Variants in GPM6A observed in about 807,000 individuals in gnomAD.
The protein encoded by GPM6A is neuronal membrane glycoprotein M6-a.
A neutral mutation model predicts 32.1 loss-of-function variants in GPM6A; 7 were observed. The observed-to-expected ratio is 0.22, with a 90% confidence interval of 0.12 to 0.41. The LOEUF is 0.41. Ranked by LOEUF, GPM6A falls within the 10% of genes least tolerant of loss-of-function variation. The pLI is 1.00. For synonymous variants in GPM6A, 130 were observed against 123.4 expected (o/e 1.05, Z -0.35); for missense variants, 235 against 347.2 (o/e 0.68, Z 2.57).
intron 1 of GPM6A, among the ~76,000 whole-genome samples, chr4:175,749,538 GA>G (rs1732238730): frequency 6.6e-6 from 1 of 152,150 alleles, no homozygotes; most frequent in South Asian, 2.1e-4. Flanking sequence ...AAAGCATACA[GA>G]AGATAGCTTT....
intron 1 of GPM6A, among the ~76,000 whole-genome samples, chr4:175,760,406 G>A (rs1459412173): frequency 2.4e-4 from 36 of 151,968 alleles, no homozygotes. Flanking sequence ...GTATAAGAAG[G>A]CATCTGAGAA....
At chr4:175,807,012 C>G (rs1226096120) in intron 1 of GPM6A, 1 of 152,140 alleles carries the variant, frequency 6.6e-6, no homozygotes, top group Admixed American at 6.5e-5. Flanking sequence ...ATTATTAATT[C>G]TTACACTTAA....
At chr4:175,753,881 A>C (rs2111194266) in intron 1 of GPM6A, among the ~76,000 whole-genome samples, 1 of 152,248 alleles carries the variant, frequency 6.6e-6, no homozygotes, top group Admixed American at 6.5e-5. Flanking sequence ...ATCAGCCTTT[A>C]GGTGCTCCAT....
chr4:175,755,281 AT>A (rs151106832), intron 1 of GPM6A, among the ~76,000 whole-genome samples: 14,259 of 152,010 alleles, frequency 0.094, 711 homozygotes, highest in East Asian at 0.13. Context: ...ATGAAAAAAA[AT>A]AAACAAATAT....
At chr4:175,990,981 T>C (rs1007479980) in intron 1 of GPM6A, among the ~76,000 whole-genome samples, 2 of 152,116 alleles carry the variant, frequency 1.3e-5, no homozygotes, top group Non-Finnish European at 2.9e-5. Context: ...CTCTGCCTTT[T>C]TCCTCTTTAG....
chr4:175,735,915 A>G (rs1182910972), intron 1 of GPM6A, among the ~76,000 whole-genome samples: 3 of 152,220 alleles, frequency 2.0e-5, no homozygotes, highest in East Asian at 3.8e-4. Flanking sequence ...ATATGTCTAG[A>G]GTTATTTAGA....
At chr4:175,951,230 C>G (rs1262591676) in intron 1 of GPM6A, among the ~76,000 whole-genome samples, 2 of 152,160 alleles carry the variant, frequency 1.3e-5, no homozygotes, top group Admixed American at 6.5e-5. Context: ...GACCCTGTAA[C>G]AAGCCATTTT....
intron 4 of GPM6A, among the ~76,000 whole-genome samples, chr4:175,642,891 T>A (rs1741228759): frequency 6.6e-6 from 1 of 152,146 alleles, no homozygotes; most frequent in Non-Finnish European, 1.5e-5. Context: ...ATAAGCATTT[T>A]AAAAAAACTT....
chr4:175,868,402 A>T (rs1736805644), intron 1 of GPM6A, among the ~76,000 whole-genome samples: 1 of 152,174 alleles, frequency 6.6e-6, no homozygotes, highest in African/African-American at 2.4e-5. Flanking sequence ...CTATGTCATT[A>T]ACTTGTTTTG....
chr4:175,949,456 C>T (rs976108279), intron 1 of GPM6A, among the ~76,000 whole-genome samples: 4 of 152,112 alleles, frequency 2.6e-5, no homozygotes, highest in Admixed American at 6.6e-5. Context: ...TTAACCACAA[C>T]ACCTGACCAA....
chr4:175,903,868 G>A (rs910418150), intron 1 of GPM6A, among the ~76,000 whole-genome samples: 1 of 152,114 alleles, frequency 6.6e-6, no homozygotes, highest in Non-Finnish European at 1.5e-5. Flanking sequence ...GCCAGCCAAA[G>A]CGAATATGGA....
intron 1 of GPM6A, among the ~76,000 whole-genome samples, chr4:175,846,330 A>G (rs1736086349): frequency 6.6e-6 from 1 of 152,176 alleles, no homozygotes; most frequent in Admixed American, 6.6e-5. Flanking sequence ...GAGGCTCAAC[A>G]TGAAATCCTA....
chr4:175,739,418 A>G (rs571744547), intron 1 of GPM6A, among the ~76,000 whole-genome samples: 45 of 152,276 alleles, frequency 3.0e-4, no homozygotes, highest in Non-Finnish European at 6.3e-4. Context: ...AGAAGTCTCT[A>G]TTGCTAGAAA....
chr4:175,744,065 G>A (rs1460659149), intron 1 of GPM6A, among the ~76,000 whole-genome samples: 1 of 151,842 alleles, frequency 6.6e-6, no homozygotes, highest in Non-Finnish European at 1.5e-5. Context: ...ACAAGTTGCA[G>A]AATATACATT....
At chr4:175,858,716 A>G (rs1408678977) in intron 1 of GPM6A, among the ~76,000 whole-genome samples, 1 of 152,184 alleles carries the variant, frequency 6.6e-6, no homozygotes, top group African/African-American at 2.4e-5. Context: ...TCCACTCCAC[A>G]TCTAGGTGTA....
At chr4:175,943,254 T>C (rs1027355960) in intron 1 of GPM6A, among the ~76,000 whole-genome samples, 1 of 152,220 alleles carries the variant, frequency 6.6e-6, no homozygotes, top group Non-Finnish European at 1.5e-5. Context: ...TTTGCTGAAG[T>C]TGCTTATCAG....
At chr4:175,723,695 G>C (rs1404965914) in intron 1 of GPM6A, among the ~76,000 whole-genome samples, 1 of 152,008 alleles carries the variant, frequency 6.6e-6, no homozygotes, top group Non-Finnish European at 1.5e-5. Flanking sequence ...TGAAAATTAA[G>C]AGTAATAAGG....
At chr4:175,760,452 G>A (rs1003714985) in intron 1 of GPM6A, among the ~76,000 whole-genome samples, 2 of 152,070 alleles carry the variant, frequency 1.3e-5, no homozygotes, top group Non-Finnish European at 2.9e-5. Context: ...AACCTTGGGG[G>A]ACTATTTTTA....
rs548551304 is a variant in GPM6A at position 175,752,290 on chromosome 4, G to T, written c.38-50523C>A. 3.5e-4 allele frequency among the ~76,000 whole-genome samples: 54 copies of T among 152,222 alleles called. No homozygotes were observed. In the South Asian group the frequency reaches 0.01, roughly 29 times the overall value. On this transcript the variant is annotated intron_variant, in intron 1 of 6. Coordinates refer to ENST00000393658, the MANE Select transcript of GPM6A (RefSeq NM_201591.3). Reference sequence around the variant, plus strand: ...TCCCTGTTCTTTGTGGAGCTCTTTAGTGTCCTTTTGGCCTTCCTGTGACCC... The same window carrying T: ...TCCCTGTTCTTTGTGGAGCTCTTTATTGTCCTTTTGGCCTTCCTGTGACCC...
Sources: allele counts gnomAD v4.1 joint callset (sites outside exome capture counted in the v4.1 genomes callset), GRCh38; gene constraint gnomAD v4.1.1; transcripts MANE v1.5; gene names NCBI Gene and HGNC (gene_info 2026-07-23, HGNC 2026-07-21).